Variants in GRM8 observed in about 807,000 individuals in gnomAD.
GRM8 encodes metabotropic glutamate receptor 8.
Under a neutral mutation model 87.2 loss-of-function variants are expected in GRM8, and 47 were observed. That is an observed-to-expected ratio of 0.54 (90% CI 0.43 to 0.69). The LOEUF (loss-of-function observed/expected upper bound fraction) is 0.69, where lower values mean the gene tolerates loss of function less well. GRM8 is among the 30% of genes least tolerant of loss of function. The probability of loss-of-function intolerance (pLI) is 0.00; values close to 1 mark genes in which losing one functional copy is unlikely to be tolerated. For synonymous variants in GRM8, 396 were observed against 404.5 expected (o/e 0.98, Z 0.25); for missense variants, 1,019 against 1,139.2 (o/e 0.89, Z 1.52).
At chr7:126,587,463 G>A (rs1226991701) in intron 8 of GRM8, among the ~76,000 whole-genome samples, 1 of 152,174 alleles carries the variant, frequency 6.6e-6, no homozygotes, top group East Asian at 1.9e-4. Context: ...TTAAGAAAAT[G>A]TGGCACATAT....
At chr7:126,666,445 A>C (rs534674835) in intron 7 of GRM8, among the ~76,000 whole-genome samples, 1 of 152,182 alleles carries the variant, frequency 6.6e-6, no homozygotes, top group Non-Finnish European at 1.5e-5. Flanking sequence ...GTTGCACAAA[A>C]ATAATAAGAG....
At chr7:126,997,691 G>A (rs557388880) in intron 3 of GRM8, among the ~76,000 whole-genome samples, 5 of 151,728 alleles carry the variant, frequency 3.3e-5, no homozygotes, top group East Asian at 1.9e-4. Context: ...TGGAGGAAAC[G>A]GATAAATTCC....
At chr7:126,493,624 G>A (rs543065164) in intron 9 of GRM8, among the ~76,000 whole-genome samples, 7 of 151,988 alleles carry the variant, frequency 4.6e-5, no homozygotes, top group Non-Finnish European at 1.0e-4. Context: ...TTTGACTAAC[G>A]CAGCCTCCCT....
intron 7 of GRM8, among the ~76,000 whole-genome samples, chr7:126,710,202 G>A (rs1288044707): frequency 6.6e-6 from 1 of 152,170 alleles, no homozygotes; most frequent in Admixed American, 6.6e-5. Flanking sequence ...GGCTAGTGGA[G>A]GGTCTTGCCT....
At chr7:126,950,331 G>C (rs1807995806) in intron 3 of GRM8, among the ~76,000 whole-genome samples, 1 of 152,166 alleles carries the variant, frequency 6.6e-6, no homozygotes, top group African/African-American at 2.4e-5. Flanking sequence ...ATTCAGGTAT[G>C]TGGAATATAA....
At chr7:126,622,590 G>A (rs1563024368) in intron 7 of GRM8, among the ~76,000 whole-genome samples, 1 of 152,034 alleles carries the variant, frequency 6.6e-6, no homozygotes, top group Admixed American at 6.6e-5. Flanking sequence ...TCCTCCCTTG[G>A]TGCTGGGGCC....
intron 10 of GRM8, among the ~76,000 whole-genome samples, chr7:126,441,924 G>A (rs116096491): frequency 0.013 from 2,000 of 151,938 alleles, 36 homozygotes; most frequent in African/African-American, 0.044. Context: ...TATCCTTCTA[G>A]GTTATTATTG....
intron 7 of GRM8, among the ~76,000 whole-genome samples, chr7:126,625,810 A>C (rs1380605198): frequency 6.6e-6 from 1 of 152,138 alleles, no homozygotes; most frequent in Non-Finnish European, 1.5e-5. Flanking sequence ...TGTTTGGCTA[A>C]AGGAAATAAA....
chr7:127,189,460 C>A (rs773862663), intron 2 of GRM8, among the ~76,000 whole-genome samples: 2 of 152,140 alleles, frequency 1.3e-5, no homozygotes, highest in Non-Finnish European at 2.9e-5. Context: ...AAGGACTGTA[C>A]GCCTAAATAT....
At chr7:127,073,472 ACT>A (rs1046821614) in intron 3 of GRM8, among the ~76,000 whole-genome samples, 7 of 151,868 alleles carry the variant, frequency 4.6e-5, no homozygotes, top group African/African-American at 1.7e-4. Flanking sequence ...GCTTCCACTT[ACT>A]CTTTCAGGAA....
At chr7:126,823,707 G>T (rs560917966) in intron 6 of GRM8, among the ~76,000 whole-genome samples, 2 of 152,152 alleles carry the variant, frequency 1.3e-5, no homozygotes, top group African/African-American at 4.8e-5. Context: ...CTACGTTTCT[G>T]CAATCAATGT....
rs79174827 is a variant in GRM8, at chr7:126,449,348, G to A, written c.2431-2976C>T. Among the ~76,000 whole-genome samples, 1,002 of 151,880 alleles carry A rather than the reference G, an allele frequency of 6.6e-3. 14 individuals are homozygous for A. Among genetic ancestry groups the A allele is most frequent in the African/African-American group, 0.022 (924 of 41,506 alleles). ...TAAGTTCTTATCTATGTCACAGGGT[G>A]GGGTTGGGGGTAATACTTTTCTCAT... On this transcript the variant is annotated intron_variant, in intron 9 of 10. Transcript: ENST00000339582.
chr7:126,654,155 C>T (rs1040566080), intron 7 of GRM8, among the ~76,000 whole-genome samples: 7 of 152,202 alleles, frequency 4.6e-5, no homozygotes, highest in African/African-American at 1.7e-4. Flanking sequence ...TCTTCTACAT[C>T]TGGCCCTGAA....
chr7:126,449,394 T>C (rs1802373939), intron 9 of GRM8, among the ~76,000 whole-genome samples: 1 of 151,838 alleles, frequency 6.6e-6, no homozygotes, highest in South Asian at 2.1e-4. Context: ...CAGGGTAGCA[T>C]GATATATTTA....
At chr7:127,084,992 T>C (rs1466303001) in intron 3 of GRM8, among the ~76,000 whole-genome samples, 1 of 152,156 alleles carries the variant, frequency 6.6e-6, no homozygotes, top group East Asian at 1.9e-4. Context: ...GACCCTGGTA[T>C]GTGATGTTCC....
At chr7:127,046,370 T>C (rs1039669756) in intron 3 of GRM8, among the ~76,000 whole-genome samples, 1 of 150,602 alleles carries the variant, frequency 6.6e-6, no homozygotes, top group Non-Finnish European at 1.5e-5. Context: ...AGACTCTGTC[T>C]CAAAAAAAAT....
chr7:127,031,919 C>T (rs181467528), intron 3 of GRM8, among the ~76,000 whole-genome samples: 170 of 152,234 alleles, frequency 1.1e-3, no homozygotes, highest in African/African-American at 3.9e-3. Flanking sequence ...GGGGCAGTGA[C>T]AGTGCCTAGA....
intron 7 of GRM8, among the ~76,000 whole-genome samples, chr7:126,728,955 C>A (rs1446769305): frequency 2.6e-5 from 4 of 152,320 alleles, no homozygotes; most frequent in African/African-American, 9.6e-5. Context: ...TCCTTCAGGT[C>A]TCTGTTCACA....
chr7:126,710,152 G>T (rs572668720), intron 7 of GRM8, among the ~76,000 whole-genome samples: 1 of 152,160 alleles, frequency 6.6e-6, no homozygotes, highest in African/African-American at 2.4e-5. Flanking sequence ...TGCTTAAAAT[G>T]CTAATTATCA....
Sources: gnomAD v4.1 joint callset for allele counts (sites outside exome capture counted in the v4.1 genomes callset) on GRCh38, gnomAD v4.1.1 for gene constraint, MANE v1.5 for transcripts, NCBI Gene and HGNC (gene_info 2026-07-23, HGNC 2026-07-21) for gene names.